The following DCC variants were observed in gnomAD, a reference collection of about 807,000 sequenced individuals.
DCC encodes DCC netrin 1 receptor.
Under a neutral mutation model 172.5 loss-of-function variants are expected in DCC, and 58 were observed. That is an observed-to-expected ratio of 0.34 (90% CI 0.27 to 0.42). DCC has a LOEUF of 0.42. Ranked by LOEUF, DCC falls within the 10% of genes least tolerant of loss-of-function variation. The probability of loss-of-function intolerance (pLI) is 1.00; values close to 1 mark genes in which losing one functional copy is unlikely to be tolerated. For synonymous variants in DCC, 709 were observed against 644.5 expected (o/e 1.10, Z -1.52); for missense variants, 1,740 against 1,791.0 (o/e 0.97, Z 0.51).
At chr18:52,483,995 G>A (rs575542995) in intron 1 of DCC, among the ~76,000 whole-genome samples, 3 of 151,954 alleles carry the variant, frequency 2.0e-5, no homozygotes, top group Non-Finnish European at 4.4e-5. Flanking sequence ...AGCTCTTTCT[G>A]TTCTCTGAAT....
intron 2 of DCC, among the ~76,000 whole-genome samples, chr18:52,845,884 TG>T (rs1455081073): frequency 6.6e-6 from 1 of 152,112 alleles, no homozygotes; most frequent in Non-Finnish European, 1.5e-5. Context: ...GTGTGTGATC[TG>T]GGGGAAAGTC....
At chr18:52,677,473 A>T (rs1038750903) in intron 1 of DCC, among the ~76,000 whole-genome samples, 1 of 151,846 alleles carries the variant, frequency 6.6e-6, no homozygotes, top group Non-Finnish European at 1.5e-5. Context: ...TGGTTCTGTG[A>T]TGCTTCTTTT....
At chr18:53,128,078 C>T (rs1003003082) in intron 7 of DCC, among the ~76,000 whole-genome samples, 2 of 152,090 alleles carry the variant, frequency 1.3e-5, no homozygotes, top group Non-Finnish European at 2.9e-5. Flanking sequence ...AAAGACAACA[C>T]TCATTTAAGT....
At chr18:52,814,460 A>AAG (rs1278579259) in intron 2 of DCC, among the ~76,000 whole-genome samples, 1 of 152,182 alleles carries the variant, frequency 6.6e-6, no homozygotes, top group Non-Finnish European at 1.5e-5. Flanking sequence ...AGGCAACGCA[A>AAG]AGAGAGCACC....
At chr18:53,100,443 A>G (rs1332397755) in intron 7 of DCC, among the ~76,000 whole-genome samples, 1 of 152,128 alleles carries the variant, frequency 6.6e-6, no homozygotes, top group Non-Finnish European at 1.5e-5. Context: ...AAATAAATAG[A>G]AAGGAGAAAG....
chr18:53,295,044 T>A (rs941953365), intron 12 of DCC, among the ~76,000 whole-genome samples: 29 of 152,296 alleles, frequency 1.9e-4, no homozygotes, highest in African/African-American at 7.0e-4. Context: ...CTCCATAAAA[T>A]TTTATTTAAA....
At chr18:53,428,829 A>G (rs1382473984) in intron 21 of DCC, among the ~76,000 whole-genome samples, 3 of 28,834 alleles carry the variant, frequency 1.0e-4, no homozygotes, top group African/African-American at 3.2e-4. Context: ...TAAATTATAT[A>G]TTATATATTT....
At chr18:53,440,981 T>G (rs1279691878) in intron 22 of DCC, among the ~76,000 whole-genome samples, 1 of 152,228 alleles carries the variant, frequency 6.6e-6, no homozygotes, top group Non-Finnish European at 1.5e-5. Context: ...TTCTTTGTTG[T>G]GGGCACATGT....
chr18:53,355,716 A>G (rs2057870485), intron 15 of DCC, among the ~76,000 whole-genome samples: 1 of 152,152 alleles, frequency 6.6e-6, no homozygotes, highest in Non-Finnish European at 1.5e-5. Context: ...TCATCTGTGA[A>G]CAGGGACAGT....
intron 3 of DCC, among the ~76,000 whole-genome samples, chr18:52,907,238 T>C (rs903903765): frequency 2.9e-4 from 12 of 40,926 alleles, no homozygotes; most frequent in African/African-American, 8.8e-4. Flanking sequence ...ACTTGATAGA[T>C]ATCATATATA....
At chr18:53,395,488 GT>G (rs1407903746) in intron 17 of DCC, among the ~76,000 whole-genome samples, 3 of 152,062 alleles carry the variant, frequency 2.0e-5, no homozygotes, top group Non-Finnish European at 2.9e-5. Flanking sequence ...AAGACTTAGA[GT>G]TGTTCATGAT....
At chr18:52,481,270 G>A (rs2029948494) in intron 1 of DCC, among the ~76,000 whole-genome samples, 2 of 152,050 alleles carry the variant, frequency 1.3e-5, no homozygotes, top group Admixed American at 6.6e-5. Context: ...GTGCCAGCCT[G>A]GCGCATGTGG....
At chr18:53,382,940 A>G (rs1159770957) in intron 15 of DCC, among the ~76,000 whole-genome samples, 1 of 152,166 alleles carries the variant, frequency 6.6e-6, no homozygotes, top group Non-Finnish European at 1.5e-5. Context: ...ATAGATGTCT[A>G]TCAGAGATAA....
intron 24 of DCC, among the ~76,000 whole-genome samples, chr18:53,467,527 G>A (rs1280987532): frequency 6.6e-6 from 1 of 152,040 alleles, no homozygotes; most frequent in Non-Finnish European, 1.5e-5. Context: ...AAATTATACT[G>A]AGTTATGTAT....
intron 7 of DCC, among the ~76,000 whole-genome samples, chr18:53,081,772 T>G (rs1403692937): frequency 6.6e-6 from 1 of 152,112 alleles, no homozygotes; most frequent in East Asian, 1.9e-4. Flanking sequence ...TGGTGACTGT[T>G]GTGTCAGCCA....
chr18:53,268,140 C>A (rs2056703963), intron 12 of DCC, among the ~76,000 whole-genome samples: 1 of 151,812 alleles, frequency 6.6e-6, no homozygotes, highest in Non-Finnish European at 1.5e-5. Flanking sequence ...GTAAATTTAG[C>A]CAAAAACAAG....
chr18:53,504,713 A>AGG (rs537287567), intron 27 of DCC, among the ~76,000 whole-genome samples: 8 of 152,332 alleles, frequency 5.3e-5, no homozygotes, highest in African/African-American at 1.9e-4. Flanking sequence ...GAGGTTTTAG[A>AGG]AAATAAATAT....
intron 9 of DCC, among the ~76,000 whole-genome samples, chr18:53,182,810 TCCTC>T (rs1433235150): frequency 1.3e-5 from 2 of 152,088 alleles, no homozygotes; most frequent in Non-Finnish European, 2.9e-5. Flanking sequence ...TCCCATTCCT[TCCTC>T]CCTTCCTCCT....
chr18:53,301,115 G>A (rs1209679688), intron 12 of DCC, among the ~76,000 whole-genome samples: 1 of 145,262 alleles, frequency 6.9e-6, no homozygotes, highest in African/African-American at 2.6e-5. Context: ...CCGAGATGGA[G>A]TTTTGCTCTT....
Sources: gnomAD v4.1 joint callset for allele counts (sites outside exome capture counted in the v4.1 genomes callset) on GRCh38, gnomAD v4.1.1 for gene constraint, MANE v1.5 for transcripts, NCBI Gene and HGNC (gene_info 2026-07-23, HGNC 2026-07-21) for gene names.